Variants in EDNRB observed in about 807,000 individuals in gnomAD.
The protein encoded by EDNRB is Hirschsprung disease 2.
A neutral mutation model predicts 46.4 loss-of-function variants in EDNRB; 18 were observed. That is an observed-to-expected ratio of 0.39 (90% CI 0.27 to 0.57). EDNRB has a LOEUF of 0.57. Among genes scored for constraint, EDNRB ranks in the 20% least tolerant of loss-of-function variants. EDNRB has a pLI of 0.61. For synonymous variants in EDNRB, 213 were observed against 204.9 expected (o/e 1.04, Z -0.34); for missense variants, 434 against 537.5 (o/e 0.81, Z 1.90).
chr13:77,958,032 T>C (rs1389511804), intron 1 of EDNRB, among the ~76,000 whole-genome samples: 9 of 152,220 alleles, frequency 5.9e-5, no homozygotes, highest in African/African-American at 2.2e-4. Context: ...TGGAAGTTAT[T>C]CCATTGACTA....
At chr13:77,944,702 T>A (rs180675180) in intron 1 of EDNRB, 1 of 152,080 alleles carries the variant, frequency 6.6e-6, no homozygotes, top group African/African-American at 2.4e-5. Flanking sequence ...ATGAACAGGA[T>A]TTCTAAAGGC....
chr13:77,962,976 T>C (rs1342340424), intron 1 of EDNRB, among the ~76,000 whole-genome samples: 1 of 152,006 alleles, frequency 6.6e-6, no homozygotes. Flanking sequence ...TATACACCAA[T>C]AACAGACAAA....
At position 77,918,669 on chromosome 13, in the gene EDNRB, G is replaced by A; in HGVS notation, c.-96C>T. The A allele has an allele frequency of 6.9e-7, 1 of 1,454,908 alleles. No homozygotes were observed. Among genetic ancestry groups the A allele is most frequent in the South Asian group, 1.5e-5 (1 of 68,038 alleles). The allele number at this position is 1,454,908 out of a possible 1,614,324, so 90.1% of individuals were successfully genotyped here. A position where few individuals can be genotyped will look rare whatever the true frequency, so the allele number is the denominator to read the frequency against. ...GGAAGACAGGACACTTGGGTCAGCTGCCCGAGCCAAGTCGCTGCAAACGCT... is the reference window on the plus strand; with the variant it reads ...GGAAGACAGGACACTTGGGTCAGCTACCCGAGCCAAGTCGCTGCAAACGCT... On this transcript the variant is annotated 5_prime_UTR_variant, in exon 1 of 7. Transcript: ENST00000646607. This position sits in a 1 kb window ranked among gnomAD's most constrained non-coding sequence, Gnocchi z 4.5.
chr13:77,953,450 A>G (rs969846205), intron 1 of EDNRB, among the ~76,000 whole-genome samples: 13 of 152,084 alleles, frequency 8.5e-5, no homozygotes, highest in African/African-American at 2.9e-4. Flanking sequence ...ATCAGTCTTA[A>G]AAGGCTGGTA....
At chr13:77,935,848 AT>A (rs1332710174) in intron 1 of EDNRB, among the ~76,000 whole-genome samples, 1 of 152,188 alleles carries the variant, frequency 6.6e-6, no homozygotes, top group Admixed American at 6.5e-5. Flanking sequence ...GGAGGGAGGT[AT>A]TGAGAATAGG....
At chr13:77,945,374 C>G (rs1045768808) in intron 1 of EDNRB, among the ~76,000 whole-genome samples, 3 of 152,190 alleles carry the variant, frequency 2.0e-5, no homozygotes, top group African/African-American at 7.2e-5. Context: ...ATGTGGACTT[C>G]TGGTGTGTGC....
At chr13:77,907,456 T>C (rs1259422211) in intron 1 of EDNRB, among the ~76,000 whole-genome samples, 2 of 151,962 alleles carry the variant, frequency 1.3e-5, no homozygotes, top group Non-Finnish European at 2.9e-5. Context: ...TTATGGGACT[T>C]CTTAGCCTCT....
intron 1 of EDNRB, among the ~76,000 whole-genome samples, chr13:77,927,418 G>T (rs572897537): frequency 2.6e-4 from 39 of 152,300 alleles, no homozygotes; most frequent in African/African-American, 8.9e-4. Flanking sequence ...GGTTGAGGAA[G>T]TCTGTGTCTA....
intron 1 of EDNRB, among the ~76,000 whole-genome samples, chr13:77,955,591 A>T (rs1362978947): frequency 6.6e-6 from 1 of 152,158 alleles, no homozygotes. Context: ...GTTTTCTTCT[A>T]AGAGTTTTAT....
chr13:77,919,461 C>A, upstream of EDNRB: 2 of 1,612,766 alleles, frequency 1.2e-6, no homozygotes, highest in South Asian at 1.1e-5. Context: ...GAGGCGGAAC[C>A]CAGCTGGGTT....
At chr13:77,919,511 G>T, upstream of EDNRB, 1 of 1,612,808 alleles carries the variant, frequency 6.2e-7, no homozygotes, top group Non-Finnish European at 8.5e-7. Context: ...CCCTTGAGCT[G>T]CAGGCGGGTC....
rs181604234 is a variant in EDNRB, at chr13:77,906,858, G to A, written c.484-3251C>T. On this transcript the variant is annotated intron_variant, in intron 1 of 6. Transcript: ENST00000646607. ...TTGTAGGGTAATTTGTTATTCATTA[G>A]GAAACCCACATGCCTGCTTGCATTT... Among the ~76,000 whole-genome samples the A allele has an allele frequency of 1.1e-4, 17 of 152,040 alleles. No individual in the cohort carries two copies. The East Asian group carries it at 3.1e-3, about 28-fold the overall frequency.
At chr13:77,948,386 C>A (rs1045207402) in intron 1 of EDNRB, among the ~76,000 whole-genome samples, 1 of 152,134 alleles carries the variant, frequency 6.6e-6, no homozygotes, top group Non-Finnish European at 1.5e-5. Context: ...TCCCTGAGAT[C>A]CATGTCTTTA....
chr13:77,898,195 T>C lies in EDNRB; in HGVS notation c.*5A>G, dbSNP rs376147304. On this transcript the variant is annotated 3_prime_UTR_variant, in exon 7 of 7. Coordinates refer to ENST00000646607, the MANE Select transcript of EDNRB (RefSeq NM_001122659.3). ...GAAAATGAAATACAGTGAATAGTTC[T>C]TCTTTCAAGATGAGCTGTATTTATT... is the stretch of plus-strand genomic sequence containing the variant. 12 of 1,611,024 alleles carry C rather than the reference T, an allele frequency of 7.4e-6. No individual in the cohort carries two copies. In the African/African-American group the frequency reaches 1.5e-4, roughly 20 times the overall value.
intron 1 of EDNRB, among the ~76,000 whole-genome samples, chr13:77,925,283 TATC>T (rs1324664196): frequency 7.9e-5 from 12 of 152,254 alleles, no homozygotes; most frequent in Non-Finnish European, 1.8e-4. Context: ...ATGCCACATT[TATC>T]ATAAGTCTGC....
intron 1 of EDNRB, among the ~76,000 whole-genome samples, chr13:77,940,548 T>C (rs994608391): frequency 3.3e-5 from 5 of 152,182 alleles, no homozygotes; most frequent in East Asian, 1.9e-4. Context: ...TCTGGCAAAG[T>C]AGACGTGGAG....
intron 1 of EDNRB, among the ~76,000 whole-genome samples, chr13:77,964,315 T>A (rs887581196): frequency 6.6e-6 from 1 of 152,158 alleles, no homozygotes; most frequent in African/African-American, 2.4e-5. Context: ...TAAAGACACA[T>A]GCTATAAAGA....
At chr13:77,939,049 G>C (rs892867409) in intron 1 of EDNRB, 1 of 152,264 alleles carries the variant, frequency 6.6e-6, no homozygotes, top group East Asian at 1.9e-4. Flanking sequence ...AATCACCTGG[G>C]TGCAGGTGGG....
chr13:77,971,534 G>GT (rs1239738671), intron 1 of EDNRB, among the ~76,000 whole-genome samples: 1 of 150,632 alleles, frequency 6.6e-6, no homozygotes, highest in Non-Finnish European at 1.5e-5. Context: ...CACATAGGGT[G>GT]TAAAGGGTTT....
Sources: allele counts gnomAD v4.1 joint callset (sites outside exome capture counted in the v4.1 genomes callset), GRCh38; gene constraint gnomAD v4.1.1; non-coding constraint Gnocchi (gnomAD v3.1); transcripts MANE v1.5; gene names NCBI Gene and HGNC (gene_info 2026-07-23, HGNC 2026-07-21).